The following KCTD18 variants were observed in gnomAD, a reference collection of about 807,000 sequenced individuals.
KCTD18 encodes potassium channel tetramerization domain containing 18, also known as BTB/POZ domain-containing protein KCTD18.
KCTD18 carries 22 observed loss-of-function variants against 30.4 expected under a neutral mutation model. That is an observed-to-expected ratio of 0.72 (90% CI 0.52 to 1.03). The LOEUF is 1.03. KCTD18 is among the 50% of genes least tolerant of loss of function. The pLI, the probability that KCTD18 is intolerant of heterozygous loss-of-function variation, is 0.00. For missense variants in KCTD18, 529 were observed against 547.6 expected (o/e 0.97, Z 0.34); for synonymous variants, 186 against 209.0 (o/e 0.89, Z 0.95).
rs199571814 is a variant in KCTD18 at position 200,499,142 on chromosome 2, A to G, written c.373-58T>C. ...TAATTCTAGAGTAAAATAAAAATGA[A>G]TATGCTCCATTACTTTCATGTAAAA... On this transcript the variant is annotated intron_variant, in intron 3 of 6. Coordinates refer to ENST00000359878, the MANE Select transcript of KCTD18 (RefSeq NM_152387.4). 5.8e-6 allele frequency: 7 copies of G among 1,197,112 alleles called. No homozygotes were observed. In the Admixed American group the frequency reaches 1.2e-4, roughly 21 times the overall value. The allele number at this position is 1,197,112 out of a possible 1,614,324, so 74.2% of individuals were successfully genotyped here. A position where few individuals can be genotyped will look rare whatever the true frequency, so the allele number is the denominator to read the frequency against.
intron 3 of KCTD18, among the ~76,000 whole-genome samples, chr2:200,501,132 A>G (rs1215330948): frequency 6.6e-6 from 1 of 152,220 alleles, no homozygotes; most frequent in Non-Finnish European, 1.5e-5. Flanking sequence ...ACAAAAATCA[A>G]TTCAAGATGG....
At position 200,506,062 on chromosome 2, in the gene KCTD18, A is replaced by C. The variant is rs143834070; in HGVS notation, c.160+795T>G. Among the ~76,000 whole-genome samples, 39 of 152,180 alleles carry C rather than the reference A, an allele frequency of 2.6e-4. No individual in the cohort carries two copies. In the East Asian group the frequency reaches 7.3e-3, roughly 29 times the overall value. ...TGGTGATTTTTTTTCCCATTCTTTC[A>C]ACTGCCATTTAACCAGCAAAGCAAC... On this transcript the variant is annotated intron_variant, in intron 2 of 6. Coordinates refer to ENST00000359878, the MANE Select transcript of KCTD18 (RefSeq NM_152387.4).
At chr2:200,499,615 G>C (rs1022736323) in intron 3 of KCTD18, among the ~76,000 whole-genome samples, 1 of 151,794 alleles carries the variant, frequency 6.6e-6, no homozygotes, top group African/African-American at 2.4e-5. Flanking sequence ...AATAACAGGA[G>C]CTGAAATTGT....
chr2:200,508,933 T>C (rs2030358756), intron 1 of KCTD18, among the ~76,000 whole-genome samples: 1 of 152,198 alleles, frequency 6.6e-6, no homozygotes, highest in African/African-American at 2.4e-5. Flanking sequence ...GTCCCACGTA[T>C]CCTTCTGCCC....
At chr2:200,491,070 C>G (rs1056598554) in intron 6 of KCTD18, among the ~76,000 whole-genome samples, 10 of 152,130 alleles carry the variant, frequency 6.6e-5, no homozygotes, top group African/African-American at 2.4e-4. Context: ...CCCCCCGAAG[C>G]TCATGTTGAA....
chr2:200,507,881 C>G (rs1489990802), intron 1 of KCTD18, among the ~76,000 whole-genome samples: 1 of 151,784 alleles, frequency 6.6e-6, no homozygotes, highest in Non-Finnish European at 1.5e-5. Flanking sequence ...GCTGTGTTGC[C>G]CAGGCTAGTC....
rs559024713 is a variant in KCTD18, at chr2:200,506,969, C to G, written c.48G>C (p.Leu16=). 1.5e-5 allele frequency: 24 copies of G among 1,614,006 alleles called. No homozygotes were observed. The African/African-American group carries it at 3.1e-4, about 21-fold the overall frequency. Residue 16 remains leucine (L), a synonymous_variant, in exon 2 of 7, where the codon CTG becomes CTC. Transcript: ENST00000359878. ...AEEEVLDVLR[L]NVGGCIYTAR... ...CTGTGTAAATACAGCCACCCACGTTCAGTCGGAGAACATCTAGCACCTCTT... is the reference window on the plus strand; with the variant it reads ...CTGTGTAAATACAGCCACCCACGTTGAGTCGGAGAACATCTAGCACCTCTT...
intron 2 of KCTD18, among the ~76,000 whole-genome samples, chr2:200,505,278 T>A (rs2030128996): frequency 6.6e-6 from 1 of 152,120 alleles, no homozygotes; most frequent in South Asian, 2.1e-4. Flanking sequence ...ATCACCAGGG[T>A]TGCCATGTTT....
rs938834074 is a variant in KCTD18 at position 200,510,036 on chromosome 2, G to A, written c.-484C>T. The A allele has an allele frequency of 6.6e-6, 1 of 152,074 alleles. No individual in the cohort carries two copies. Among genetic ancestry groups the A allele is most frequent in the Non-Finnish European group, 1.5e-5 (1 of 67,984 alleles). 9.4% of individuals were successfully genotyped at this position (152,074 alleles called of 1,614,324 possible). A position where few individuals can be genotyped will look rare whatever the true frequency, so the allele number is the denominator to read the frequency against. On this transcript the variant is annotated 5_prime_UTR_variant, in exon 1 of 7. Transcript: ENST00000359878. ...CTGCGGCCCGCCAGACCCTCGGCGC[G>A]GCCGCCGGACGCCGCGGGGCGGACG...
rs2087944831 is a variant in KCTD18, at chr2:200,493,103, CT to C, written c.764+68del. The C allele has an allele frequency of 2.4e-5, 21 of 869,350 alleles. No individual in the cohort carries two copies. The South Asian group carries it at 2.6e-4, about 11-fold the overall frequency. The allele number at this position is 869,350 out of a possible 1,614,324, so 53.9% of individuals were successfully genotyped here. On this transcript the variant is annotated intron_variant, in intron 6 of 6. Coordinates refer to ENST00000359878, the MANE Select transcript of KCTD18 (RefSeq NM_152387.4). ...GGTCAAGAATTATTATTCATTTTCC[CT>C]TCACAAAGGCAGTAAAAATGTCAGC...
chr2:200,502,210 C>T (rs561989607), intron 3 of KCTD18, among the ~76,000 whole-genome samples: 3 of 151,854 alleles, frequency 2.0e-5, no homozygotes, highest in East Asian at 1.9e-4. Context: ...GTGGGTGCAG[C>T]GCACTAGCAT....
chr2:200,508,394 G>A (rs576773554), intron 1 of KCTD18, among the ~76,000 whole-genome samples: 1 of 152,238 alleles, frequency 6.6e-6, no homozygotes, highest in African/African-American at 2.4e-5. Flanking sequence ...CAGGCCCAGG[G>A]AAGGTTTAAG....
At chr2:200,497,535 A>C (rs1397762458) in intron 5 of KCTD18, 2 of 472,702 alleles carry the variant, frequency 4.2e-6, no homozygotes, top group Non-Finnish European at 7.5e-6. Context: ...TAACAGAAAC[A>C]TACCTAGTTA....
chr2:200,498,837 T>C, intron 4 of KCTD18, 54 bp downstream of exon 4: 2 of 1,518,400 alleles, frequency 1.3e-6, no homozygotes, highest in Non-Finnish European at 1.8e-6. Flanking sequence ...AAACACCTCT[T>C]AAAAGAGACC....
intron 6 of KCTD18, among the ~76,000 whole-genome samples, chr2:200,492,841 T>TTC (rs199793621): frequency 8.6e-5 from 13 of 150,366 alleles, no homozygotes; most frequent in Non-Finnish European, 7.4e-5. Context: ...ATTTTTTTTT[T>TTC]ACTATTGCCA....
rs1325088440 is a variant in KCTD18, at chr2:200,489,322, A to G, written c.*778T>C. ...GGTCATTTCTGAAAAACAAATACTAACTTTAGTTAAAAAGTTAAACTTTTA... is the reference window on the plus strand; with the variant it reads ...GGTCATTTCTGAAAAACAAATACTAGCTTTAGTTAAAAAGTTAAACTTTTA... On this transcript the variant is annotated 3_prime_UTR_variant, in exon 7 of 7. Coordinates refer to ENST00000359878, the MANE Select transcript of KCTD18 (RefSeq NM_152387.4). The G allele has an allele frequency of 6.6e-6, 1 of 152,660 alleles. No individual in the cohort carries two copies. The highest frequency in any genetic ancestry group is 2.4e-5 in the African/African-American group (1 of 41,468). The allele number at this position is 152,660 out of a possible 1,614,324, so 9.5% of individuals were successfully genotyped here. A position where few individuals can be genotyped will look rare whatever the true frequency, so the allele number is the denominator to read the frequency against.
chr2:200,509,478 C>G (rs2030397074), intron 1 of KCTD18, 150 bp downstream of exon 1: 1 of 152,484 alleles, frequency 6.6e-6, no homozygotes, highest in Admixed American at 6.5e-5. Flanking sequence ...GGCAGTCTCT[C>G]CTAAGGATAG....
intron 3 of KCTD18, among the ~76,000 whole-genome samples, chr2:200,501,761 A>G (rs1261691462): frequency 6.6e-6 from 1 of 151,764 alleles, no homozygotes; most frequent in African/African-American, 2.4e-5. Context: ...TAGAAATACC[A>G]TTTGACCCAG....
At chr2:200,505,117 T>C (rs538632466) in intron 2 of KCTD18, among the ~76,000 whole-genome samples, 158 bp from the exon 3 acceptor site, 1 of 152,346 alleles carries the variant, frequency 6.6e-6, no homozygotes, top group Admixed American at 6.5e-5. Context: ...TAATCTAAGC[T>C]AGACTTTTGG....
Sources: allele counts gnomAD v4.1 joint callset (sites outside exome capture counted in the v4.1 genomes callset), GRCh38; gene constraint gnomAD v4.1.1; transcripts MANE v1.5; gene names NCBI Gene and HGNC (gene_info 2026-07-23, HGNC 2026-07-21).